Variants in MCUB observed in about 807,000 individuals in gnomAD.
The protein encoded by MCUB is mitochondrial calcium uniporter dominant negative subunit beta, also known as calcium uniporter regulatory subunit MCUb, mitochondrial.
In MCUB, 46 loss-of-function variants were observed where a neutral mutation model predicts 41.4. The observed-to-expected ratio is 1.11, with a 90% CI of 0.88 to 1.42. MCUB has a LOEUF of 1.42. Among genes scored for constraint, MCUB ranks in the 40% most tolerant of loss-of-function variants. The pLI, the probability that MCUB is intolerant of heterozygous loss-of-function variation, is 0.00. For synonymous variants in MCUB, 148 were observed against 148.2 expected (o/e 1.00, Z 0.01); for missense variants, 403 against 404.9 (o/e 1.00, Z 0.04).
At chr4:109,660,933 A>T (rs1729217844) in intron 3 of MCUB, among the ~76,000 whole-genome samples, 1 of 152,206 alleles carries the variant, frequency 6.6e-6, no homozygotes, top group Non-Finnish European at 1.5e-5. Context: ...AAGGTTTTTC[A>T]TGAGAAAATC....
intron 1 of MCUB, among the ~76,000 whole-genome samples, chr4:109,634,985 A>C (rs1400739533): frequency 6.7e-6 from 1 of 150,122 alleles, no homozygotes; most frequent in Non-Finnish European, 1.5e-5. Context: ...CCAGTGTGTG[A>C]TGTTCCCCTC....
At chr4:109,573,803 G>A (rs73838816) in intron 1 of MCUB, among the ~76,000 whole-genome samples, 1,799 of 152,072 alleles carry the variant, frequency 0.012, 34 homozygotes, top group African/African-American at 0.04. Context: ...GCTGGACAGG[G>A]AGGTGCATTC....
rs1285286714 is a variant in MCUB at position 109,595,653 on chromosome 4, G to C, written c.99+35217G>C. ...TATGTGGCTAGTGGCTACTATATTG[G>C]ACAGCATAGAGAGAGATTTCCATCA... is the stretch of plus-strand genomic sequence containing the variant. On this transcript the variant is annotated intron_variant, in intron 1 of 7. Coordinates refer to ENST00000394650, the MANE Select transcript of MCUB (RefSeq NM_017918.5). 3.3e-5 allele frequency among the ~76,000 whole-genome samples: 5 copies of C among 152,402 alleles called. No homozygotes were observed. The South Asian group carries it at 6.2e-4, about 19-fold the overall frequency.
At chr4:109,596,766 G>A (rs539890899) in intron 1 of MCUB, among the ~76,000 whole-genome samples, 108 of 149,794 alleles carry the variant, frequency 7.2e-4, no homozygotes, top group Admixed American at 1.3e-3. Context: ...ATCATTCTTG[G>A]GTGTTTCTCA....
At chr4:109,632,907 A>G (rs1018387404) in intron 1 of MCUB, among the ~76,000 whole-genome samples, 12 of 151,936 alleles carry the variant, frequency 7.9e-5, no homozygotes, top group Non-Finnish European at 1.6e-4. Flanking sequence ...GAGCCACCAC[A>G]CCTGCCCTGT....
At chr4:109,560,666 G>A (rs1579037573) in intron 1 of MCUB, among the ~76,000 whole-genome samples, 1 of 152,178 alleles carries the variant, frequency 6.6e-6, no homozygotes, top group South Asian at 2.1e-4. Flanking sequence ...TGAAGCCAGA[G>A]CGCTGCGGCT....
At chr4:109,575,816 A>G (rs1727013578) in intron 1 of MCUB, among the ~76,000 whole-genome samples, 1 of 152,214 alleles carries the variant, frequency 6.6e-6, no homozygotes, top group African/African-American at 2.4e-5. Context: ...AATTATTAAT[A>G]TTATAATAGC....
chr4:109,686,148 A>G (rs916508454), intron 7 of MCUB, among the ~76,000 whole-genome samples: 1 of 152,204 alleles, frequency 6.6e-6, no homozygotes, highest in South Asian at 2.1e-4. Flanking sequence ...GTTTTAATTT[A>G]AATTTTTTTG....
intron 1 of MCUB, among the ~76,000 whole-genome samples, chr4:109,639,578 T>C (rs1248866427): frequency 6.6e-6 from 1 of 152,026 alleles, no homozygotes; most frequent in Non-Finnish European, 1.5e-5. Context: ...ATCCAGCTAC[T>C]CAGGAGGCTG....
chr4:109,637,549 C>G (rs1398679263), intron 1 of MCUB, among the ~76,000 whole-genome samples: 1 of 152,160 alleles, frequency 6.6e-6, no homozygotes, highest in African/African-American at 2.4e-5. Context: ...TACACACACA[C>G]ACAATGGAAT....
intron 1 of MCUB, among the ~76,000 whole-genome samples, chr4:109,567,084 A>T (rs533554068): frequency 6.8e-6 from 1 of 146,856 alleles, no homozygotes; most frequent in South Asian, 2.2e-4. Flanking sequence ...GTGAGCCGAG[A>T]TCGCATCATT....
chr4:109,659,227 C>T, intron 2 of MCUB, 141 bp downstream of exon 2: 1 of 607,186 alleles, frequency 1.6e-6, no homozygotes. Context: ...TTCACTTCCA[C>T]CTTTTTGTGC....
chr4:109,659,816 C>T (rs552558110), intron 2 of MCUB, among the ~76,000 whole-genome samples: 1 of 152,236 alleles, frequency 6.6e-6, no homozygotes, highest in South Asian at 2.1e-4. Context: ...ACCACCATGC[C>T]AGACTTAATT....
At chr4:109,669,698 GTT>G (rs201836652) in intron 4 of MCUB, among the ~76,000 whole-genome samples, 3 of 138,908 alleles carry the variant, frequency 2.2e-5, no homozygotes, top group African/African-American at 7.8e-5. Flanking sequence ...TTCTGTTCTG[GTT>G]TTTTTTTTTT....
At chr4:109,646,211 GACT>G (rs2126141478) in intron 1 of MCUB, among the ~76,000 whole-genome samples, 1 of 152,114 alleles carries the variant, frequency 6.6e-6, no homozygotes, top group East Asian at 1.9e-4. Context: ...CCAAATACTT[GACT>G]AACATCTACC....
intron 3 of MCUB, among the ~76,000 whole-genome samples, chr4:109,661,530 A>G (rs1729231323): frequency 6.6e-6 from 1 of 152,230 alleles, no homozygotes; most frequent in African/African-American, 2.4e-5. Flanking sequence ...GGTAGTGCAG[A>G]GAACAAAAGG....
At chr4:109,610,609 T>A (rs1405481297) in intron 1 of MCUB, among the ~76,000 whole-genome samples, 1 of 152,192 alleles carries the variant, frequency 6.6e-6, no homozygotes, top group East Asian at 1.9e-4. Flanking sequence ...TAAAGTTATG[T>A]GAGATGTACA....
intron 1 of MCUB, among the ~76,000 whole-genome samples, chr4:109,589,121 T>C (rs1365736897): frequency 1.3e-5 from 2 of 152,224 alleles, no homozygotes; most frequent in Admixed American, 6.5e-5. Flanking sequence ...GTCCTCCAAG[T>C]GAGAGCTACT....
At chr4:109,603,303 GC>G (rs1241871664) in intron 1 of MCUB, among the ~76,000 whole-genome samples, 2 of 152,182 alleles carry the variant, frequency 1.3e-5, no homozygotes, top group Non-Finnish European at 2.9e-5. Context: ...CGCTGTGTTG[GC>G]CGGGCTGGTC....
Sources: allele counts gnomAD v4.1 joint callset (sites outside exome capture counted in the v4.1 genomes callset), GRCh38; gene constraint gnomAD v4.1.1; transcripts MANE v1.5; gene names NCBI Gene and HGNC (gene_info 2026-07-23, HGNC 2026-07-21).